TMEM163: variants seen among roughly 807,000 people sequenced by gnomAD.
TMEM163 encodes the protein transmembrane protein 163.
In TMEM163, 17 loss-of-function variants were observed where a neutral mutation model predicts 29.3. That is an observed-to-expected ratio of 0.58 (90% CI 0.40 to 0.87). TMEM163 has a LOEUF of 0.87. Ranked by LOEUF, TMEM163 falls within the 40% of genes least tolerant of loss-of-function variation. The pLI, the probability that TMEM163 is intolerant of heterozygous loss-of-function variation, is 0.00. For missense variants in TMEM163, 303 were observed against 381.5 expected, an observed-to-expected ratio of 0.79 and a Z score of 1.71; for synonymous variants, 157 against 160.6, an observed-to-expected ratio of 0.98 and a Z score of 0.17.
At chr2:134,713,421 T>C in intron 1 of TMEM163, 102 bp from the exon 2 acceptor site, 1 of 1,537,582 alleles carries the variant, frequency 6.5e-7, no homozygotes, top group Non-Finnish European at 8.9e-7. Context: ...TAACAGCCCG[T>C]GGGCCAAGAC....
chr2:134,484,766 G>A (rs539124004), intron 5 of TMEM163, among the ~76,000 whole-genome samples: 1 of 152,296 alleles, frequency 6.6e-6, no homozygotes, highest in African/African-American at 2.4e-5. Context: ...GGGAAGAGGG[G>A]TAATTTGGCA....
In TMEM163 at chr2:134,605,630, G is replaced by A. The variant is rs180687374; in HGVS notation, c.323-53539C>T. Among the ~76,000 whole-genome samples, 764 of 151,998 alleles carry A rather than the reference G, an allele frequency of 5.0e-3. 7 individuals carry two copies. Among genetic ancestry groups the A allele is most frequent in the African/African-American group, 0.018 (727 of 41,452 alleles). On this transcript the variant is annotated intron_variant, in intron 2 of 7. Transcript: ENST00000281924. Reference sequence around the variant, plus strand: ...GAAGAATCACTGGAACCCGGGAGGTGAGCTGAGATCGCGCCATTGCACTCC... The same window carrying A: ...GAAGAATCACTGGAACCCGGGAGGTAAGCTGAGATCGCGCCATTGCACTCC...
intron 5 of TMEM163, chr2:134,469,439 A>G (rs1686743067): frequency 6.6e-6 from 1 of 152,152 alleles, no homozygotes; most frequent in South Asian, 2.1e-4. Flanking sequence ...TCCTACCTAT[A>G]AAGTGGAAAA....
intron 2 of TMEM163, among the ~76,000 whole-genome samples, chr2:134,566,229 G>GA (rs950462706): frequency 1.3e-5 from 2 of 152,164 alleles, no homozygotes; most frequent in East Asian, 1.9e-4. Context: ...TAGCAAAACT[G>GA]AAAAAACGAG....
chr2:134,502,188 G>C (rs985829283), intron 5 of TMEM163, among the ~76,000 whole-genome samples: 3 of 152,174 alleles, frequency 2.0e-5, no homozygotes, highest in African/African-American at 7.2e-5. Context: ...CACATCCTAA[G>C]AGGAGACCAG....
chr2:134,662,769 A>G (rs1683784615), intron 2 of TMEM163, among the ~76,000 whole-genome samples: 1 of 152,206 alleles, frequency 6.6e-6, no homozygotes, highest in African/African-American at 2.4e-5. Flanking sequence ...AGGAACAGCC[A>G]GGAGCTTTCC....
intron 2 of TMEM163, among the ~76,000 whole-genome samples, chr2:134,699,057 T>A (rs1243656252): frequency 6.6e-6 from 1 of 152,234 alleles, no homozygotes. Flanking sequence ...TGAAAAAGGA[T>A]AGAAATTATC....
intron 4 of TMEM163, among the ~76,000 whole-genome samples, chr2:134,539,866 G>A (rs1373245661): frequency 6.6e-6 from 1 of 152,210 alleles, no homozygotes; most frequent in Non-Finnish European, 1.5e-5. Flanking sequence ...AAGGGAAGGA[G>A]CTTGCCCAAA....
intron 2 of TMEM163, among the ~76,000 whole-genome samples, chr2:134,591,964 A>G (rs769755943): frequency 1.4e-4 from 22 of 152,030 alleles, no homozygotes; most frequent in Non-Finnish European, 2.4e-4. Context: ...CTGAGCTACT[A>G]TGAGTGACCA....
At chr2:134,648,217 C>G (rs1419990840) in intron 2 of TMEM163, among the ~76,000 whole-genome samples, 3 of 152,194 alleles carry the variant, frequency 2.0e-5, no homozygotes, top group Admixed American at 2.0e-4. Context: ...GGACTCCTCT[C>G]TGAAGCAATA....
At chr2:134,456,950 T>C (rs1264913583) in intron 7 of TMEM163, among the ~76,000 whole-genome samples, 174 bp from the exon 8 acceptor site, 2 of 152,220 alleles carry the variant, frequency 1.3e-5, no homozygotes, top group Non-Finnish European at 1.5e-5. Context: ...AAACCCCATG[T>C]CCACTGTACC....
chr2:134,464,788 C>T (rs1418623691), intron 6 of TMEM163, among the ~76,000 whole-genome samples: 1 of 152,134 alleles, frequency 6.6e-6, no homozygotes, highest in African/African-American at 2.4e-5. Flanking sequence ...TCGACAGTCC[C>T]ACCACCTCTG....
chr2:134,556,585 C>T (rs556895970), intron 2 of TMEM163, among the ~76,000 whole-genome samples: 2 of 152,200 alleles, frequency 1.3e-5, no homozygotes, highest in Admixed American at 1.3e-4. Flanking sequence ...TTAGGGAGGC[C>T]AAGGCAGGAG....
At position 134,458,127 on chromosome 2, in the gene TMEM163, C is replaced by T. The variant is rs1237382179; in HGVS notation, c.714G>A (p.Leu238=). Residue 238 remains leucine (L), a synonymous_variant, in exon 7 of 8, where the codon CTG becomes CTA. Coordinates refer to ENST00000281924, the MANE Select transcript of TMEM163 (RefSeq NM_030923.5). ...AGTCATGCTTGAACACTTCCGCGCT[C>T]AGAAGAATGGAGAAGCCCATCACGC... ...VGGVMGFSIL[L]SAEVFKHDSA... is the part of the protein sequence containing the mutation. 3.1e-6 allele frequency: 5 copies of T among 1,614,186 alleles called. No homozygotes were observed. In the Admixed American group the frequency reaches 8.3e-5, roughly 27 times the overall value.
intron 4 of TMEM163, among the ~76,000 whole-genome samples, chr2:134,550,354 C>T (rs946344843): frequency 1.3e-5 from 2 of 152,154 alleles, no homozygotes; most frequent in Non-Finnish European, 2.9e-5. Context: ...AATCTGAGAA[C>T]AGAGAAAATT....
At chr2:134,669,961 C>T (rs998556461) in intron 2 of TMEM163, among the ~76,000 whole-genome samples, 2 of 152,140 alleles carry the variant, frequency 1.3e-5, no homozygotes, top group Admixed American at 1.3e-4. Flanking sequence ...CCCAGCAACC[C>T]TCCAACTGTA....
chr2:134,515,857 T>C (rs1193973027), intron 4 of TMEM163, among the ~76,000 whole-genome samples: 1 of 152,226 alleles, frequency 6.6e-6, no homozygotes, highest in East Asian at 1.9e-4. Context: ...TGTACTTTTG[T>C]AACAAAAACA....
chr2:134,539,581 A>G (rs1318389296), intron 4 of TMEM163, among the ~76,000 whole-genome samples: 1 of 152,244 alleles, frequency 6.6e-6, no homozygotes, highest in Admixed American at 6.5e-5. Context: ...CTGTATATGT[A>G]TCTTATAAAA....
chr2:134,716,236 G>A lies in TMEM163; in HGVS notation c.202+2498C>T, dbSNP rs532601175. Among the ~76,000 whole-genome samples, 49 of 152,294 alleles carry A rather than the reference G, an allele frequency of 3.2e-4. 2 individuals are homozygous for A. Among genetic ancestry groups the A allele is most frequent in the African/African-American group, 1.2e-3 (48 of 41,576 alleles). ...CAAAGGGGATGGGAAGAATGATTAA[G>A]ATAAACCTGGCCTAATTTTTGTGTT... On this transcript the variant is annotated intron_variant, in intron 1 of 7. Coordinates refer to ENST00000281924, the MANE Select transcript of TMEM163 (RefSeq NM_030923.5).
Sources: allele counts gnomAD v4.1 joint callset (sites outside exome capture counted in the v4.1 genomes callset), GRCh38; gene constraint gnomAD v4.1.1; transcripts MANE v1.5; gene names NCBI Gene and HGNC (gene_info 2026-07-23, HGNC 2026-07-21).